The following CXCL9 variants were observed in gnomAD, a reference collection of about 807,000 sequenced individuals.
The protein encoded by CXCL9 is C-X-C motif chemokine ligand 9.
CXCL9 carries 8 observed loss-of-function variants against 11.7 expected under a neutral mutation model. That is an observed-to-expected ratio of 0.68 (90% confidence interval 0.40 to 1.23). The LOEUF is 1.23. Ranked by LOEUF, CXCL9 falls within the 50% of genes most tolerant of loss-of-function variation. CXCL9 has a pLI of 0.01. For missense variants in CXCL9, 133 were observed against 141.7 expected (o/e 0.94, Z 0.31); for synonymous variants, 43 against 48.2 (o/e 0.89, Z 0.45).
rs146434302 is a variant in CXCL9 at position 76,003,422 on chromosome 4, C to T, written c.*176G>A. Reference sequence around the variant, plus strand: ...AATCATAGCCTTTAACAATTCTTAACGTTTGGATTCTTAAAATCAACTTTC... The same window carrying T: ...AATCATAGCCTTTAACAATTCTTAATGTTTGGATTCTTAAAATCAACTTTC... On this transcript the variant is annotated 3_prime_UTR_variant, in exon 4 of 4. Transcript: ENST00000264888. The T allele has an allele frequency of 9.8e-4, 551 of 561,112 alleles. 3 individuals carry two copies. Among genetic ancestry groups the T allele is most frequent in the Admixed American group, 4.4e-3 (126 of 28,892 alleles). 34.8% of individuals were successfully genotyped at this position (561,112 alleles called of 1,614,324 possible).
rs531591067 is a variant in CXCL9, at chr4:76,003,374, G to T, written c.*224C>A. ...CCTTAAGCATGATGAAATTCAACTGGTGGGTGGTAGAAGAACAAAGACAAT... is the reference window on the plus strand; with the variant it reads ...CCTTAAGCATGATGAAATTCAACTGTTGGGTGGTAGAAGAACAAAGACAAT... On this transcript the variant is annotated 3_prime_UTR_variant, in exon 4 of 4. Coordinates refer to ENST00000264888, the MANE Select transcript of CXCL9 (RefSeq NM_002416.3). The T allele has an allele frequency of 1.2e-5, 6 of 491,682 alleles. No individual in the cohort carries two copies. Among genetic ancestry groups the T allele is most frequent in the African/African-American group, 1.2e-4 (6 of 50,122 alleles). The allele number at this position is 491,682 out of a possible 1,614,324, so 30.5% of individuals were successfully genotyped here.
At chr4:76,005,825 A>G (rs1346517128) in intron 2 of CXCL9, 3 of 216,086 alleles carry the variant, frequency 1.4e-5, no homozygotes, top group East Asian at 2.3e-4. Flanking sequence ...GCAAGTAAGG[A>G]AGATTTAGAA....
Position 76,002,726 on chromosome 4 carries a change from A to ATAAT in CXCL9, c.*868_*871dup. 5.0e-6 allele frequency: 1 copy of ATAAT among 198,720 alleles called. No homozygotes were observed. The highest frequency in any genetic ancestry group is 1.0e-5 in the Non-Finnish European group (1 of 98,998). 12.3% of individuals were successfully genotyped at this position (198,720 alleles called of 1,614,324 possible). A position where few individuals can be genotyped will look rare whatever the true frequency, so the allele number is the denominator to read the frequency against. ...AACCAAGTGAAACAGGAGTTTTAAGATAATTTGTGTGTCCAAAAAGGTTTA... is the reference window on the plus strand; with the variant it reads ...AACCAAGTGAAACAGGAGTTTTAAGATAATTAATTTGTGTGTCCAAAAAGGTTTA... On this transcript the variant is annotated 3_prime_UTR_variant, in exon 4 of 4. Transcript: ENST00000264888.
rs1185961663 is a variant in CXCL9 at position 76,002,878 on chromosome 4, G to A, written c.*720C>T. The stretch of plus-strand genomic sequence containing the variant: ...CTCAGATAAATCAGAGCATATGACA[G>A]GTGCACTGGAGAGAAGAAAGGCACT... On this transcript the variant is annotated 3_prime_UTR_variant, in exon 4 of 4. Coordinates refer to ENST00000264888, the MANE Select transcript of CXCL9 (RefSeq NM_002416.3). 2 of 152,828 alleles carry A rather than the reference G, an allele frequency of 1.3e-5. No individual in the cohort carries two copies. The highest frequency in any genetic ancestry group is 1.5e-5 in the Non-Finnish European group (1 of 68,450). The allele number at this position is 152,828 out of a possible 1,614,324, so 9.5% of individuals were successfully genotyped here. A position where few individuals can be genotyped will look rare whatever the true frequency, so the allele number is the denominator to read the frequency against.
chr4:76,007,256 GAGA>G (rs1182619345), intron 1 of CXCL9, 127 bp downstream of exon 1: 2 of 711,176 alleles, frequency 2.8e-6, no homozygotes, highest in Non-Finnish European at 5.1e-6. Flanking sequence ...TCATGTCACT[GAGA>G]AGCTTTTATG....
chr4:76,006,384 G>T (rs960196216), intron 1 of CXCL9, 110 bp from the exon 2 acceptor site: 2 of 1,111,930 alleles, frequency 1.8e-6, no homozygotes, highest in Non-Finnish European at 1.3e-6. Flanking sequence ...ATCATTTACC[G>T]AGTGCCTAAA....
At chr4:76,007,154 T>G (rs1282775939) in intron 1 of CXCL9, among the ~76,000 whole-genome samples, 1 of 152,186 alleles carries the variant, frequency 6.6e-6, no homozygotes, top group Non-Finnish European at 1.5e-5. Context: ...TCAATGAACA[T>G]TTATTGAACA....
rs1350086700 is a variant in CXCL9, at chr4:76,007,397, A to G, written c.53T>C (p.Ile18Thr). 4 of 1,592,848 alleles carry G rather than the reference A, an allele frequency of 2.5e-6. No individual in the cohort carries two copies. In the Admixed American group the frequency reaches 6.7e-5, roughly 27 times the overall value. ...TCAGAACCCCTTACCTTGCACTCCAATCAGAACCAGCAAGATGATGCCCAA... is the reference window on the plus strand; with the variant it reads ...TCAGAACCCCTTACCTTGCACTCCAGTCAGAACCAGCAAGATGATGCCCAA... The part of the protein sequence containing the change: ...FLLGIILLVL[I>T]GVQGTPVVRK... Residue 18 changes from isoleucine (I) to threonine (T), a missense_variant, in exon 1 of 4, where the codon ATT (isoleucine) becomes ACT (threonine). By Grantham distance (89) the Ile-to-Thr change is moderately conservative. Transcript: ENST00000264888.
chr4:76,005,079 G>C, intron 2 of CXCL9, 186 bp from the exon 3 acceptor site: 2 of 954,694 alleles, frequency 2.1e-6, no homozygotes, highest in Non-Finnish European at 2.7e-6. Flanking sequence ...ACAGAATTTC[G>C]CTCTGTTGCC....
intron 1 of CXCL9, 121 bp downstream of exon 1, chr4:76,007,265 T>G: frequency 4.0e-6 from 3 of 746,714 alleles, no homozygotes; most frequent in South Asian, 1.5e-5. Flanking sequence ...TGAGAAGCTT[T>G]TATGACTGAC....
chr4:76,003,657 T>C lies in CXCL9; in HGVS notation c.319A>G (p.Lys107Glu). The change falls in exon 4 of 4, where the codon AAA (lysine) becomes GAA (glutamate). Residue 107 changes from lysine (K) to glutamate (E), a missense_variant. Lys to Glu is a moderately conservative substitution (Grantham distance 56). Coordinates refer to ENST00000264888, the MANE Select transcript of CXCL9 (RefSeq NM_002416.3). Reference protein sequence around the residue: ...KKQKNGKKHQKKKVLKVRKSQ... With the variant: ...KKQKNGKKHQEKKVLKVRKSQ... ...TTTCGAACTTTCAGAACTTTCTTTT[T>C]TTGATGTTTTTTCCCATTCTTTTGC... 1 of 1,612,776 alleles carries C rather than the reference T, an allele frequency of 6.2e-7. No homozygotes were observed.
rs1271016642 is a variant in CXCL9, at chr4:76,003,659, T to C, written c.317A>G (p.Gln106Arg). The C allele has an allele frequency of 6.2e-7, 1 of 1,612,820 alleles. No individual in the cohort carries two copies. The highest frequency in any genetic ancestry group is 8.5e-7 in the Non-Finnish European group (1 of 1,179,446). ...TCGAACTTTCAGAACTTTCTTTTTTTGATGTTTTTTCCCATTCTTTTGCTT... is the reference window on the plus strand; with the variant it reads ...TCGAACTTTCAGAACTTTCTTTTTTCGATGTTTTTTCCCATTCTTTTGCTT... ...KKKQKNGKKH[Q>R]KKKVLKVRKS... is the part of the protein sequence containing the mutation. Residue 106 changes from glutamine to arginine, a missense_variant, in exon 4 of 4, where the codon CAA (glutamine) becomes CGA (arginine). By Grantham distance (43) the Gln-to-Arg change is conservative (BLOSUM62 1). Coordinates refer to ENST00000264888, the MANE Select transcript of CXCL9 (RefSeq NM_002416.3).
At position 76,006,225 on chromosome 4, in the gene CXCL9, T is replaced by C. The variant is rs1382488927; in HGVS notation, c.114A>G (p.Gln38=). 1 of 1,613,902 alleles carries C rather than the reference T, an allele frequency of 6.2e-7. No homozygotes were observed. The change falls in exon 2 of 4, where the codon CAA becomes CAG. Residue 38 remains glutamine (Q), a synonymous_variant. Coordinates refer to ENST00000264888, the MANE Select transcript of CXCL9 (RefSeq NM_002416.3). ...TCAAGGATTGTAGGTGGATAGTCCC[T>C]TGGTTGGTGCTGATGCAGGAACAGC... ...KGRCSCISTN[Q]GTIHLQSLKD... is the part of the protein sequence containing the mutation.
Position 76,004,808 on chromosome 4 carries a change from C to A in CXCL9, c.276+1G>T, listed in dbSNP as rs747595704. ...AAATTTTGATCTTCCTTTTCACCAA[C>A]CTGTTTCTCCCACTTTTTAATCAGT... On this transcript the variant is annotated splice_donor_variant, in intron 3 of 3. Transcript: ENST00000264888. LOFTEE classifies it high-confidence loss of function. The A allele has an allele frequency of 5.7e-6, 9 of 1,589,776 alleles. No individual in the cohort carries two copies. The highest frequency in any genetic ancestry group is 6.8e-6 in the Non-Finnish European group (8 of 1,172,784).
At position 76,003,617 on chromosome 4, in the gene CXCL9, C is replaced by T. The variant is rs752253991; in HGVS notation, c.359G>A (p.Arg120His). ...GGTCTCTTATGTAGTCTTCTTTTGA[C>T]GAGAACGTTGAGATTTTCGAACTTT... ...VLKVRKSQRS[R>H]QKKTT Residue 120 changes from arginine (R) to histidine (H), a missense_variant, in exon 4 of 4, where the codon CGT becomes CAT. Arg to His is a conservative substitution (Grantham distance 29). Transcript: ENST00000264888. 1.0e-5 allele frequency: 16 copies of T among 1,601,910 alleles called. No individual in the cohort carries two copies. The highest frequency in any genetic ancestry group is 4.4e-5 in the South Asian group (4 of 90,630).
intron 3 of CXCL9, among the ~76,000 whole-genome samples, chr4:76,004,205 C>T (rs1164721835): frequency 1.3e-5 from 2 of 152,168 alleles, no homozygotes; most frequent in African/African-American, 4.8e-5. Context: ...CTGCCTCAGT[C>T]CCTTCACTCT....
rs1731459179 is a variant in CXCL9, at chr4:76,001,326, A to G, written c.*2272T>C. Reference sequence around the variant, plus strand: ...TTTTCCTGTTCCCGATCGACCCTTTAAAGAGCTTTCATGTGTTATCTCAAC... The same window carrying G: ...TTTTCCTGTTCCCGATCGACCCTTTGAAGAGCTTTCATGTGTTATCTCAAC... On this transcript the variant is annotated 3_prime_UTR_variant, in exon 4 of 4. Coordinates refer to ENST00000264888, the MANE Select transcript of CXCL9 (RefSeq NM_002416.3). 1 of 152,152 alleles carries G rather than the reference A, an allele frequency of 6.6e-6. No homozygotes were observed. The highest frequency in any genetic ancestry group is 2.4e-5 in the African/African-American group (1 of 41,422). The allele number at this position is 152,152 out of a possible 1,614,324, so 9.4% of individuals were successfully genotyped here.
chr4:76,002,096 A>T lies in CXCL9; in HGVS notation c.*1502T>A. ...AACAAGTAAACGGACAATAAAACTC[A>T]TATTTGCCTAAAATGAGTTTCGATA... On this transcript the variant is annotated 3_prime_UTR_variant, in exon 4 of 4. Transcript: ENST00000264888. 1 of 390,108 alleles carries T rather than the reference A, an allele frequency of 2.6e-6. No individual in the cohort carries two copies. Among genetic ancestry groups the T allele is most frequent in the Non-Finnish European group, 4.5e-6 (1 of 221,536 alleles). 24.2% of individuals were successfully genotyped at this position (390,108 alleles called of 1,614,324 possible). A position where few individuals can be genotyped will look rare whatever the true frequency, so the allele number is the denominator to read the frequency against.
In CXCL9 at chr4:76,003,265, A is replaced by G. The variant is rs1471417424; in HGVS notation, c.*333T>C. 4.5e-6 allele frequency: 1 copy of G among 223,312 alleles called. No homozygotes were observed. Among genetic ancestry groups the G allele is most frequent in the Non-Finnish European group, 8.7e-6 (1 of 114,714 alleles). The allele number at this position is 223,312 out of a possible 1,614,324, so 13.8% of individuals were successfully genotyped here. ...TGGAGGCTGCAGTACGTGGAAGCCTAGGGCTGCTCTTCCAGGCAGCTGTTG... is the reference window on the plus strand; with the variant it reads ...TGGAGGCTGCAGTACGTGGAAGCCTGGGGCTGCTCTTCCAGGCAGCTGTTG... On this transcript the variant is annotated 3_prime_UTR_variant, in exon 4 of 4. Transcript: ENST00000264888.
Sources: gnomAD v4.1 joint callset for allele counts (sites outside exome capture counted in the v4.1 genomes callset) on GRCh38, gnomAD v4.1.1 for gene constraint, MANE v1.5 for transcripts, NCBI Gene and HGNC (gene_info 2026-07-23, HGNC 2026-07-21) for gene names.